Variants in AHCYL1 observed in about 807,000 individuals in gnomAD.
AHCYL1 encodes the protein S-adenosylhomocysteine hydrolase-like protein 1.
AHCYL1 carries 20 observed loss-of-function variants against 79.3 expected under a neutral mutation model. The ratio of observed to expected loss-of-function variants is 0.25; its 90% CI spans 0.18 to 0.37. The LOEUF (loss-of-function observed/expected upper bound fraction) is 0.37. AHCYL1 is among the 10% of genes least tolerant of loss of function. The pLI is 1.00. For missense variants in AHCYL1, 330 were observed against 673.6 expected, an observed-to-expected ratio of 0.49 and a Z score of 5.65; for synonymous variants, 223 against 242.2, an observed-to-expected ratio of 0.92 and a Z score of 0.74.
intron 1 of AHCYL1, among the ~76,000 whole-genome samples, chr1:109,992,265 C>T (rs951146276): frequency 1.3e-5 from 2 of 152,004 alleles, no homozygotes; most frequent in African/African-American, 4.8e-5. Context: ...AAAAAATTAG[C>T]TGGGTGTGGC....
chr1:110,015,065 A>G (rs1424551180), intron 6 of AHCYL1, among the ~76,000 whole-genome samples: 1 of 152,180 alleles, frequency 6.6e-6, no homozygotes, highest in Non-Finnish European at 1.5e-5. Flanking sequence ...ACATGGCTCA[A>G]ACACACCAGA....
intron 1 of AHCYL1, among the ~76,000 whole-genome samples, chr1:109,989,878 G>T (rs993410273): frequency 6.6e-6 from 1 of 152,200 alleles, no homozygotes; most frequent in Non-Finnish European, 1.5e-5. Flanking sequence ...GGCAACCTAC[G>T]TGCATAGACC....
intron 1 of AHCYL1, chr1:110,000,928 A>G: frequency 1.0e-6 from 1 of 983,728 alleles, no homozygotes; most frequent in Non-Finnish European, 1.2e-6. Flanking sequence ...ACAGGTGTTG[A>G]GGCAAAGCAC....
rs1651823547 is a variant in AHCYL1 at position 110,021,815 on chromosome 1, C to T, written c.*135C>T. On this transcript the variant is annotated 3_prime_UTR_variant, in exon 17 of 17. Transcript: ENST00000369799. ...TAATTTCATTCTTGTTTTTTCATCT[C>T]ATTATCCAAGTTCTGCAGACCACAC... The T allele has an allele frequency of 2.0e-6, 2 of 981,790 alleles. No individual in the cohort carries two copies. The highest frequency in any genetic ancestry group is 3.0e-6 in the Non-Finnish European group (2 of 671,964). 60.8% of individuals were successfully genotyped at this position (981,790 alleles called of 1,614,324 possible).
intron 9 of AHCYL1, among the ~76,000 whole-genome samples, chr1:110,017,280 C>T (rs1245610335): frequency 6.6e-6 from 1 of 152,158 alleles, no homozygotes; most frequent in African/African-American, 2.4e-5. Flanking sequence ...CCCAGTCCTT[C>T]CTATGACATG....
chr1:110,002,147 G>A (rs998849269), intron 1 of AHCYL1, among the ~76,000 whole-genome samples: 1 of 152,210 alleles, frequency 6.6e-6, no homozygotes, highest in Admixed American at 6.5e-5. Context: ...GAACTCATAA[G>A]TAAAAGGATT....
chr1:110,017,951 A>T lies in AHCYL1; in HGVS notation c.1058A>T (p.Asp353Val), dbSNP rs1651528152. 1 of 1,614,094 alleles carries T rather than the reference A, an allele frequency of 6.2e-7. No homozygotes were observed. ...GTTCCTTTCTTTTCTTCCAGCATGGATGGGTTCAGGGTGGTAAAGCTAAAT... is the reference window on the plus strand; with the variant it reads ...GTTCCTTTCTTTTCTTCCAGCATGGTTGGGTTCAGGGTGGTAAAGCTAAAT... ...DPICALQACMDGFRVVKLNEV... is the reference protein window; with the variant it reads ...DPICALQACMVGFRVVKLNEV... The change falls in exon 11 of 17, where the codon GAT (aspartate) becomes GTT (valine). Residue 353 changes from aspartate to valine, a missense_variant. Physicochemically the swap from Asp to Val is radical, Grantham distance 152. Around this residue, in one of 6 missense-constraint regions of AHCYL1, gnomAD observed 119 missense variants for 293.3 expected, o/e 0.41. Transcript: ENST00000369799.
At position 110,012,429 on chromosome 1, in the gene AHCYL1, A is replaced by G. The variant is rs1193383242; in HGVS notation, c.444A>G (p.Ile148Met). 1 of 1,613,810 alleles carries G rather than the reference A, an allele frequency of 6.2e-7. No individual in the cohort carries two copies. The highest frequency in any genetic ancestry group is 8.5e-7 in the Non-Finnish European group (1 of 1,179,930). Residue 148 changes from isoleucine to methionine, a missense_variant, in exon 4 of 17, where the codon ATA becomes ATG. Coordinates refer to ENST00000369799, the MANE Select transcript of AHCYL1 (RefSeq NM_006621.7). ...AGAAGCCCTTGGCTGGTGCTAAAAT[A>G]GTGGGCTGTACACACATCACAGCCC... ...QGEKPLAGAK[I>M]VGCTHITAQT...
At chr1:110,011,491 A>C in intron 3 of AHCYL1, 134 bp downstream of exon 3, 1 of 1,217,472 alleles carries the variant, frequency 8.2e-7, no homozygotes, top group Non-Finnish European at 1.1e-6. Flanking sequence ...ACTTTCGGAT[A>C]AACACTTCTC....
chr1:110,017,295 C>CTA (rs2101740157), intron 9 of AHCYL1, among the ~76,000 whole-genome samples, 200 bp from the exon 10 acceptor site: 1 of 152,246 alleles, frequency 6.6e-6, no homozygotes, highest in East Asian at 1.9e-4. Context: ...GACATGTCTG[C>CTA]TAAATTACCT....
At chr1:109,998,536 G>A (rs905306495) in intron 1 of AHCYL1, among the ~76,000 whole-genome samples, 21 of 152,126 alleles carry the variant, frequency 1.4e-4, no homozygotes, top group Non-Finnish European at 2.9e-4. Context: ...GGAGTGCAGT[G>A]GTGTGATCTC....
chr1:110,016,339 T>C lies in AHCYL1; in HGVS notation c.783-5T>C. 18 of 1,608,516 alleles carry C rather than the reference T, an allele frequency of 1.1e-5. No homozygotes were observed. The highest frequency in any genetic ancestry group is 1.4e-5 in the Non-Finnish European group (16 of 1,177,808). ...GTTTGTTTTTGTGACCTCTTCTCTC[T>C]TTAGGCTGTATCAGCTCTCCAAAGC... On this transcript the variant is annotated splice_polypyrimidine_tract_variant and splice_region_variant and intron_variant, in intron 7 of 16. Transcript: ENST00000369799.
chr1:110,016,257 G>T (rs191993567), intron 7 of AHCYL1, 87 bp from the exon 8 acceptor site: 2 of 858,062 alleles, frequency 2.3e-6, no homozygotes, highest in East Asian at 5.0e-5. Flanking sequence ...CATGGAACTT[G>T]AAGAGAATTA....
intron 5 of AHCYL1, among the ~76,000 whole-genome samples, chr1:110,013,545 A>G (rs1312213813): frequency 1.3e-5 from 2 of 151,996 alleles, no homozygotes; most frequent in Non-Finnish European, 2.9e-5. Context: ...CCCCACCTCT[A>G]CTAAAAATAC....
chr1:110,012,234 T>C, intron 3 of AHCYL1, 128 bp from the exon 4 acceptor site: 1 of 704,328 alleles, frequency 1.4e-6, no homozygotes, highest in Non-Finnish European at 2.3e-6. Flanking sequence ...CTGCCAGTCG[T>C]CATGGAAATA....
intron 1 of AHCYL1, chr1:109,995,776 G>C: frequency 1.2e-6 from 1 of 818,864 alleles, no homozygotes; most frequent in Non-Finnish European, 1.5e-6. Flanking sequence ...TAATCAGAAT[G>C]GGGGAGGAGC....
At chr1:110,007,532 C>T (rs193258040) in intron 1 of AHCYL1, among the ~76,000 whole-genome samples, 2 of 152,290 alleles carry the variant, frequency 1.3e-5, no homozygotes, top group East Asian at 3.9e-4. Context: ...TGCTGCACTG[C>T]AATCTGGTGC....
chr1:110,001,444 C>T (rs1300592138), intron 1 of AHCYL1, among the ~76,000 whole-genome samples: 2 of 152,188 alleles, frequency 1.3e-5, no homozygotes, highest in African/African-American at 2.4e-5. Context: ...GCTCGACCTC[C>T]CAAAGTGCTG....
At chr1:110,018,915 C>A in intron 13 of AHCYL1, 136 bp from the exon 14 acceptor site, 1 of 865,972 alleles carries the variant, frequency 1.2e-6, no homozygotes, top group Non-Finnish European at 1.9e-6. Flanking sequence ...AGCCTAGAGT[C>A]CTGATCTGGA....
Sources: allele counts gnomAD v4.1 joint callset (sites outside exome capture counted in the v4.1 genomes callset), GRCh38; gene constraint gnomAD v4.1.1; regional missense constraint gnomAD v4.1.1; transcripts MANE v1.5; gene names NCBI Gene and HGNC (gene_info 2026-07-23, HGNC 2026-07-21).